Variants in LIMCH1 observed in about 807,000 individuals in gnomAD.
LIMCH1 encodes the protein LIM and calponin homology domains-containing protein 1.
Under a neutral mutation model 176.5 loss-of-function variants are expected in LIMCH1, and 113 were observed. The ratio of observed to expected loss-of-function variants is 0.64; its 90% CI spans 0.55 to 0.75. LIMCH1 has a LOEUF of 0.75. LIMCH1 is among the 30% of genes least tolerant of loss of function. LIMCH1 has a pLI of 0.00. For synonymous variants in LIMCH1, 619 were observed against 645.9 expected, an observed-to-expected ratio of 0.96 and a Z score of 0.63; for missense variants, 1,674 against 1,814.9, an observed-to-expected ratio of 0.92 and a Z score of 1.41.
At chr4:41,404,721 G>A (rs1316511434) in intron 1 of LIMCH1, among the ~76,000 whole-genome samples, 2 of 152,158 alleles carry the variant, frequency 1.3e-5, no homozygotes, top group Admixed American at 1.3e-4. Context: ...AAAGGTTGCG[G>A]TGAGCCAGGA....
At chr4:41,379,234 C>T (rs1248597910) in intron 1 of LIMCH1, among the ~76,000 whole-genome samples, 1 of 152,152 alleles carries the variant, frequency 6.6e-6, no homozygotes, top group African/African-American at 2.4e-5. Context: ...GGAAGATCTG[C>T]TTCTAAGATG....
chr4:41,532,305 C>T (rs1486155039), intron 3 of LIMCH1, among the ~76,000 whole-genome samples: 1 of 152,196 alleles, frequency 6.6e-6, no homozygotes, highest in Admixed American at 6.5e-5. Context: ...TTGAAACAGC[C>T]TTTACAGTTA....
intron 1 of LIMCH1, among the ~76,000 whole-genome samples, chr4:41,539,050 A>G (rs1004336406): frequency 2.6e-5 from 4 of 152,214 alleles, no homozygotes; most frequent in Admixed American, 2.0e-4. Context: ...GGCACTGGTT[A>G]TCTAGGGGAA....
At chr4:41,488,940 A>G (rs1243787559) in intron 1 of LIMCH1, among the ~76,000 whole-genome samples, 1 of 152,130 alleles carries the variant, frequency 6.6e-6, no homozygotes, top group East Asian at 1.9e-4. Context: ...TTATTAGGTA[A>G]GCCTTCTGGG....
intron 29 of LIMCH1, among the ~76,000 whole-genome samples, chr4:41,689,197 A>G (rs186817686): frequency 4.3e-4 from 66 of 152,370 alleles, no homozygotes; most frequent in African/African-American, 1.5e-3. Flanking sequence ...GGACTTATAA[A>G]AAAAAGTATG....
chr4:41,481,034 TG>T (rs1169543002), intron 1 of LIMCH1, among the ~76,000 whole-genome samples: 1 of 152,158 alleles, frequency 6.6e-6, no homozygotes, highest in Admixed American at 6.5e-5. Flanking sequence ...TTTTTTTTTT[TG>T]TAGACTCTGT....
intron 21 of LIMCH1, among the ~76,000 whole-genome samples, chr4:41,669,136 G>A (rs544724206): frequency 6.6e-6 from 1 of 152,156 alleles, no homozygotes; most frequent in Non-Finnish European, 1.5e-5. Context: ...ATTTTCATGT[G>A]TCTAGTTCTT....
At chr4:41,529,089 T>C (rs1183008488) in intron 3 of LIMCH1, among the ~76,000 whole-genome samples, 4 of 148,742 alleles carry the variant, frequency 2.7e-5, no homozygotes, top group Non-Finnish European at 5.9e-5. Flanking sequence ...TCCTCAAATT[T>C]AGGTCTTGGC....
At chr4:41,685,369 A>C in intron 27 of LIMCH1, among the ~76,000 whole-genome samples, 1 of 152,320 alleles carries the variant, frequency 6.6e-6, no homozygotes, top group African/African-American at 2.4e-5. Context: ...AGTCAGAGAA[A>C]GCAATGGGTG....
chr4:41,438,098 A>G (rs1053267228), intron 1 of LIMCH1, among the ~76,000 whole-genome samples: 3 of 152,036 alleles, frequency 2.0e-5, no homozygotes, highest in African/African-American at 7.2e-5. Flanking sequence ...TTTTTTCTAC[A>G]TAGCTGTGGA....
chr4:41,649,256 C>T (rs986016377), intron 17 of LIMCH1, among the ~76,000 whole-genome samples: 3 of 152,008 alleles, frequency 2.0e-5, no homozygotes, highest in African/African-American at 7.2e-5. Flanking sequence ...AAAAATTAAC[C>T]AGCCATGTTG....
At chr4:41,379,539 T>C (rs1392558505) in intron 1 of LIMCH1, among the ~76,000 whole-genome samples, 1 of 152,206 alleles carries the variant, frequency 6.6e-6, no homozygotes, top group Non-Finnish European at 1.5e-5. Context: ...GGAGAGGAAT[T>C]AGACTCCACC....
At chr4:41,684,837 C>T (rs1462329102) in intron 27 of LIMCH1, among the ~76,000 whole-genome samples, 1 of 152,140 alleles carries the variant, frequency 6.6e-6, no homozygotes, top group Non-Finnish European at 1.5e-5. Flanking sequence ...GACATAATCT[C>T]CCCATAAAAT....
chr4:41,626,479 C>T (rs1303741710), intron 7 of LIMCH1, among the ~76,000 whole-genome samples: 8 of 151,984 alleles, frequency 5.3e-5, no homozygotes. Context: ...TGGTGGAAGC[C>T]CTGAAAATTA....
rs1222670879 is a variant in LIMCH1, at chr4:41,655,459, G to A, written c.3036+4851G>A. On this transcript the variant is annotated intron_variant, in intron 18 of 31. Coordinates refer to ENST00000503057, the MANE Select transcript of LIMCH1 (RefSeq NM_001330672.2). Reference sequence around the variant, plus strand: ...AATACATTTTTCAGAGGCCCAAAAAGGCAATCAGTATGAAGTTTTTTGGAT... The same window carrying A: ...AATACATTTTTCAGAGGCCCAAAAAAGCAATCAGTATGAAGTTTTTTGGAT... 2.6e-5 allele frequency among the ~76,000 whole-genome samples: 4 copies of A among 152,290 alleles called. No individual in the cohort carries two copies. In the East Asian group the frequency reaches 7.7e-4, roughly 29 times the overall value.
rs559098369 is a variant in LIMCH1 at position 41,413,227 on chromosome 4, T to G, written c.96+52291T>G. On this transcript the variant is annotated intron_variant, in intron 1 of 26. Transcript: ENST00000313860. ...CATGTAGACATAATAAGTTTTTTTT[T>G]TTTTTTTTTAAATATCAGTTTTGTG... 8.9e-4 allele frequency among the ~76,000 whole-genome samples: 136 copies of G among 152,074 alleles called. 3 individuals carry two copies. The South Asian group carries it at 0.027, about 30-fold the overall frequency.
intron 2 of LIMCH1, among the ~76,000 whole-genome samples, chr4:41,514,474 T>C (rs2075344231): frequency 6.6e-6 from 1 of 152,126 alleles, no homozygotes; most frequent in Non-Finnish European, 1.5e-5. Context: ...CATGTGAAAG[T>C]GCCTAGCTAT....
At chr4:41,429,961 A>G (rs1366500522) in intron 1 of LIMCH1, among the ~76,000 whole-genome samples, 3 of 152,218 alleles carry the variant, frequency 2.0e-5, no homozygotes, top group East Asian at 3.9e-4. Context: ...TGGCCAGTCA[A>G]TGAAAGGCAA....
intron 19 of LIMCH1, chr4:41,661,947 G>C: frequency 2.5e-6 from 1 of 405,970 alleles, no homozygotes; most frequent in African/African-American, 2.1e-5. Flanking sequence ...TGGACAGTGA[G>C]TATAATATAC....
Sources: gnomAD v4.1 joint callset for allele counts (sites outside exome capture counted in the v4.1 genomes callset) on GRCh38, gnomAD v4.1.1 for gene constraint, MANE v1.5 for transcripts, NCBI Gene and HGNC (gene_info 2026-07-23, HGNC 2026-07-21) for gene names.